The following INPP5A variants were observed in gnomAD, a reference collection of about 807,000 sequenced individuals.
The protein encoded by INPP5A is inositol polyphosphate-5-phosphatase A, also known as 43 kDa inositol polyphosphate 5-phophatase.
In INPP5A, 14 loss-of-function variants were observed where a neutral mutation model predicts 65.2. The observed-to-expected ratio is 0.21, with a 90% CI of 0.14 to 0.34. The LOEUF (loss-of-function observed/expected upper bound fraction) is 0.34. INPP5A is among the 10% of genes least tolerant of loss of function. The pLI, the probability that INPP5A is intolerant of heterozygous loss-of-function variation, is 1.00. For synonymous variants in INPP5A, 207 were observed against 208.3 expected (o/e 0.99, Z 0.05); for missense variants, 431 against 545.6 (o/e 0.79, Z 2.09).
In INPP5A at chr10:132,690,375, C is replaced by T. The variant is rs765145686; in HGVS notation, c.307-17C>T. The T allele has an allele frequency of 6.5e-7, 1 of 1,543,992 alleles. No individual in the cohort carries two copies. The highest frequency in any genetic ancestry group is 2.2e-5 in the East Asian group (1 of 44,584). ...CCAGCACCAGTCTCTCATTTGATTT[C>T]TCTTTTTGCTCTACAGGCACTAGGA... On this transcript the variant is annotated splice_polypyrimidine_tract_variant and intron_variant, in intron 4 of 15. Transcript: ENST00000368594.
At chr10:132,691,878 G>A (rs551069868) in intron 5 of INPP5A, among the ~76,000 whole-genome samples, 1 of 150,484 alleles carries the variant, frequency 6.6e-6, no homozygotes, top group Non-Finnish European at 1.5e-5. Flanking sequence ...CGCGGGAGAC[G>A]TGTGGTCGCG....
intron 9 of INPP5A, among the ~76,000 whole-genome samples, chr10:132,729,209 C>T (rs564897743): frequency 2.6e-5 from 4 of 152,226 alleles, no homozygotes; most frequent in East Asian, 3.9e-4. Flanking sequence ...TGGGTGTGGC[C>T]GTAAGAGGAG....
intron 2 of INPP5A, among the ~76,000 whole-genome samples, chr10:132,634,425 C>G (rs988666796): frequency 1.3e-5 from 2 of 152,072 alleles, no homozygotes; most frequent in African/African-American, 4.8e-5. Context: ...CCCGGAGAGG[C>G]GTGTCATCTC....
At chr10:132,721,492 G>C (rs566849049) in intron 8 of INPP5A, among the ~76,000 whole-genome samples, 2 of 151,932 alleles carry the variant, frequency 1.3e-5, no homozygotes, top group South Asian at 4.2e-4. Context: ...TCAGGGTTCT[G>C]TGGTGCCTGG....
chr10:132,577,038 A>G (rs1457287822), intron 1 of INPP5A, among the ~76,000 whole-genome samples: 3 of 152,216 alleles, frequency 2.0e-5, no homozygotes, highest in Non-Finnish European at 4.4e-5. Flanking sequence ...GCTGGGCTCC[A>G]GAAAACTCTG....
chr10:132,701,493 C>T (rs892637537), intron 6 of INPP5A, among the ~76,000 whole-genome samples: 1 of 152,270 alleles, frequency 6.6e-6, no homozygotes. Context: ...CTCCATTTGC[C>T]GTGGCTGGAG....
intron 4 of INPP5A, among the ~76,000 whole-genome samples, chr10:132,680,642 T>C (rs540485379): frequency 3.4e-4 from 51 of 152,074 alleles, no homozygotes; most frequent in African/African-American, 1.0e-3. Flanking sequence ...ACTCCCTCAG[T>C]TTGTAGGGAG....
chr10:132,589,571 C>T (rs1232400231), intron 1 of INPP5A, among the ~76,000 whole-genome samples: 1 of 152,264 alleles, frequency 6.6e-6, no homozygotes, highest in South Asian at 2.1e-4. Flanking sequence ...CCTTGGGAAG[C>T]CTTCTGCCTG....
At chr10:132,623,879 G>T (rs933482465) in intron 2 of INPP5A, among the ~76,000 whole-genome samples, 1 of 152,112 alleles carries the variant, frequency 6.6e-6, no homozygotes, top group Admixed American at 6.5e-5. Flanking sequence ...AATACAAATG[G>T]CAAGTAAGTG....
rs1310955523 is a variant in INPP5A at position 132,555,630 on chromosome 10, T to TA, written c.75+17460dup. Among the ~76,000 whole-genome samples, 1 of 152,182 alleles carries TA rather than the reference T, an allele frequency of 6.6e-6. No individual in the cohort carries two copies. Among genetic ancestry groups the TA allele is most frequent in the East Asian group, 1.9e-4 (1 of 5,198 alleles). ...ATGCACACACTTGGGGCTTCTATCC[T>TA]ATCAGGGAGAGAGTTCAAGTGTATC... On this transcript the variant is annotated intron_variant, in intron 1 of 15. Transcript: ENST00000368594. This position sits in a 1 kb window ranked among gnomAD's most constrained non-coding sequence, Gnocchi z 4.4.
intron 3 of INPP5A, among the ~76,000 whole-genome samples, chr10:132,648,359 G>A (rs181188514): frequency 3.4e-3 from 518 of 152,388 alleles, no homozygotes; most frequent in Non-Finnish European, 5.7e-3. Flanking sequence ...CTTCCTCCGC[G>A]CTTTATGCCT....
At chr10:132,608,164 A>G (rs2071884647) in intron 2 of INPP5A, among the ~76,000 whole-genome samples, 1 of 152,238 alleles carries the variant, frequency 6.6e-6, no homozygotes, top group Non-Finnish European at 1.5e-5. Flanking sequence ...GAGCCTGGCC[A>G]GATCCTCCTC....
intron 2 of INPP5A, among the ~76,000 whole-genome samples, chr10:132,628,239 C>G (rs1031954236): frequency 2.0e-5 from 3 of 152,176 alleles, no homozygotes; most frequent in Non-Finnish European, 4.4e-5. Flanking sequence ...CATCGTGGAC[C>G]CTGGGAGGAG....
chr10:132,654,450 G>A (rs746757617), intron 4 of INPP5A, among the ~76,000 whole-genome samples: 9 of 152,348 alleles, frequency 5.9e-5, no homozygotes, highest in African/African-American at 1.4e-4. Context: ...GGCAGACCTC[G>A]GAACGCTGCC....
At chr10:132,736,004 C>A (rs1017106519) in intron 9 of INPP5A, among the ~76,000 whole-genome samples, 3 of 152,234 alleles carry the variant, frequency 2.0e-5, no homozygotes, top group Admixed American at 6.5e-5. Context: ...GAATGCGCAG[C>A]CTCCTGTGTT....
intron 9 of INPP5A, among the ~76,000 whole-genome samples, chr10:132,743,921 A>G (rs933679459): frequency 3.3e-5 from 5 of 152,204 alleles, no homozygotes; most frequent in South Asian, 2.1e-4. Flanking sequence ...CAGACAGACC[A>G]TGGCTGAGCG....
chr10:132,600,398 C>G (rs1047110059), intron 1 of INPP5A, among the ~76,000 whole-genome samples: 4 of 152,232 alleles, frequency 2.6e-5, no homozygotes, highest in African/African-American at 9.6e-5. Flanking sequence ...CAGTTCCCAA[C>G]AAGTTCCTCA....
At chr10:132,736,594 G>T (rs771318594) in intron 9 of INPP5A, among the ~76,000 whole-genome samples, 3 of 152,178 alleles carry the variant, frequency 2.0e-5, no homozygotes, top group Non-Finnish European at 4.4e-5. Flanking sequence ...ACCACTGCCC[G>T]CGAGGCAGGA....
At position 132,727,968 on chromosome 10, in the gene INPP5A, C is replaced by T. The variant is rs142555628; in HGVS notation, c.732+1063C>T. ...ACACCCACACGTATTCATCTTCCAA[C>T]GGTGGCAGGACATTGTTTCTGAAAG... On this transcript the variant is annotated intron_variant, in intron 9 of 15. Transcript: ENST00000368594. This position sits in a 1 kb window ranked among gnomAD's most constrained non-coding sequence, Gnocchi z 6.5. 6.0e-4 allele frequency among the ~76,000 whole-genome samples: 92 copies of T among 152,306 alleles called. No homozygotes were observed. Among genetic ancestry groups the T allele is most frequent in the Admixed American group, 2.7e-3 (41 of 15,304 alleles).
Sources: allele counts gnomAD v4.1 joint callset (sites outside exome capture counted in the v4.1 genomes callset), GRCh38; gene constraint gnomAD v4.1.1; non-coding constraint Gnocchi (gnomAD v3.1); transcripts MANE v1.5; gene names NCBI Gene and HGNC (gene_info 2026-07-23, HGNC 2026-07-21).